Variants in NCOA4 observed in about 807,000 individuals in gnomAD.
NCOA4 encodes 70 kDa AR-activator.
NCOA4 carries 31 observed loss-of-function variants against 69.5 expected under a neutral mutation model. That is an observed-to-expected ratio of 0.45 (90% CI 0.34 to 0.60). NCOA4 has a LOEUF of 0.60. Among genes scored for constraint, NCOA4 ranks in the 20% least tolerant of loss-of-function variants. The pLI is 0.02. For synonymous variants in NCOA4, 228 were observed against 252.4 expected (o/e 0.90, Z 0.92); for missense variants, 600 against 719.2 (o/e 0.83, Z 1.90).
At chr10:46,008,391 G>A (rs534225975) in intron 9 of NCOA4, among the ~76,000 whole-genome samples, 10 of 152,164 alleles carry the variant, frequency 6.6e-5, no homozygotes, top group African/African-American at 1.9e-4. Flanking sequence ...TGGAAGAAAC[G>A]GATTCCCACC....
At chr10:46,028,616 G>T (rs146103589) in intron 1 of NCOA4, among the ~76,000 whole-genome samples, 1 of 150,600 alleles carries the variant, frequency 6.6e-6, no homozygotes, top group Non-Finnish European at 1.5e-5. Context: ...GAAGAGCCAA[G>T]ATTTAATCCC....
chr10:46,028,652 A>G (rs997490875), intron 1 of NCOA4, among the ~76,000 whole-genome samples: 11 of 151,974 alleles, frequency 7.2e-5, no homozygotes, highest in Non-Finnish European at 1.6e-4. Flanking sequence ...GTCCCTAACC[A>G]CACCTGGTAT....
chr10:46,029,695 A>G, intron 1 of NCOA4, among the ~76,000 whole-genome samples: 1 of 152,224 alleles, frequency 6.6e-6, no homozygotes, highest in East Asian at 1.9e-4. Flanking sequence ...AGATAAATTC[A>G]GCACTCTGAC....
intron 4 of NCOA4, 22 bp from the exon 5 acceptor site, chr10:46,014,574 T>C (rs782426740): frequency 1.1e-5 from 17 of 1,540,264 alleles, no homozygotes. Flanking sequence ...AAAACAAAAT[T>C]GGCTATTTTT....
At chr10:46,014,818 GA>G (rs1554922680) in intron 4 of NCOA4, 35 bp downstream of exon 4, 2 of 1,544,170 alleles carry the variant, frequency 1.3e-6, no homozygotes, top group African/African-American at 2.7e-5. Flanking sequence ...CAAAGTTCAA[GA>G]GTCAAAAGTT....
chr10:46,022,444 C>CT (rs1590175628), intron 1 of NCOA4: 24 of 454,400 alleles, frequency 5.3e-5, no homozygotes, highest in Admixed American at 2.6e-4. Context: ...TTTCTTCCGT[C>CT]TTTTTTTTAA....
Position 46,023,497 on chromosome 10 carries a change from G to A in NCOA4, c.-14-6803C>T, listed in dbSNP as rs1485328773. On this transcript the variant is annotated intron_variant, in intron 1 of 9. Coordinates refer to ENST00000581486, the MANE Select transcript of NCOA4 (RefSeq NM_001145263.2). Reference sequence around the variant, plus strand: ...GCGAGCTGGAGCGCTCAAGCCAAGGGCGGGGAGGAGCGGAAAACTCCGCCC... The same window carrying A: ...GCGAGCTGGAGCGCTCAAGCCAAGGACGGGGAGGAGCGGAAAACTCCGCCC... The A allele has an allele frequency of 1.3e-5, 13 of 985,562 alleles. No homozygotes were observed. The African/African-American group carries it at 2.1e-4, about 16-fold the overall frequency. 61.1% of individuals were successfully genotyped at this position (985,562 alleles called of 1,614,324 possible).
intron 1 of NCOA4, chr10:46,022,626 G>A (rs1222120262): frequency 3.1e-6 from 1 of 324,256 alleles, no homozygotes; most frequent in Non-Finnish European, 6.4e-6. Flanking sequence ...CGCCACGCCC[G>A]GCTAATTTTT....
chr10:46,012,103 A>AAAAAAAAAAAAAAAAAAAAC (rs1839266242), intron 7 of NCOA4, among the ~76,000 whole-genome samples: 1 of 128,058 alleles, frequency 7.8e-6, no homozygotes, highest in Non-Finnish European at 1.7e-5. Flanking sequence ...AAAAAAAAAA[A>AAAAAAAAAAAAAAAAAAAAC]CGAAAAAAGA....
At chr10:46,013,062 A>G in intron 6 of NCOA4, 36 bp from the exon 7 acceptor site, 1 of 1,606,570 alleles carries the variant, frequency 6.2e-7, no homozygotes, top group South Asian at 1.1e-5. Context: ...CAAATGCAGT[A>G]GAAAGTTCAC....
chr10:46,014,790 G>A (rs1196367304), intron 4 of NCOA4, 64 bp downstream of exon 4: 7 of 1,333,776 alleles, frequency 5.2e-6, no homozygotes, highest in Admixed American at 3.8e-5. Context: ...TTACAAAATC[G>A]ACTTTCTTTT....
chr10:46,006,828 T>C (rs1554919914), intron 9 of NCOA4, among the ~76,000 whole-genome samples: 1 of 152,204 alleles, frequency 6.6e-6, no homozygotes, highest in African/African-American at 2.4e-5. Context: ...CTCTTCTCTC[T>C]CCTCAGGCCT....
In NCOA4 at chr10:46,007,581, C is replaced by CTTT. The variant is rs71026287; in HGVS notation, c.1840-987_1840-985dup. Among the ~76,000 whole-genome samples, 39 of 85,480 alleles carry CTTT rather than the reference C, an allele frequency of 4.6e-4. 3 individuals carry two copies. Among genetic ancestry groups the CTTT allele is most frequent in the East Asian group, 1.9e-3 (5 of 2,622 alleles). 56.1% of individuals were successfully genotyped at this position (85,480 alleles called of 152,430 possible). A position where few individuals can be genotyped will look rare whatever the true frequency, so the allele number is the denominator to read the frequency against. On this transcript the variant is annotated intron_variant, in intron 9 of 9. Transcript: ENST00000581486. The stretch of plus-strand genomic sequence containing the variant: ...TTAGGGACTAACACAGCCAGTGACT[C>CTTT]TTTTTTTTTTTTTTTTTTTTTTTTT...
chr10:46,018,476 C>T (rs968931840), intron 1 of NCOA4, among the ~76,000 whole-genome samples: 1 of 152,176 alleles, frequency 6.6e-6, no homozygotes, highest in Admixed American at 6.5e-5. Context: ...ACAGGATTAG[C>T]CTGTTCCATG....
chr10:46,020,609 A>G (rs1319647827), intron 1 of NCOA4, among the ~76,000 whole-genome samples: 3 of 152,212 alleles, frequency 2.0e-5, no homozygotes, highest in African/African-American at 7.2e-5. Context: ...ACTTAGGGGT[A>G]AGGAGGTCGT....
chr10:46,006,623 A>T (rs1304226840), intron 9 of NCOA4, 26 bp from the exon 10 acceptor site: 2 of 1,613,658 alleles, frequency 1.2e-6, no homozygotes, highest in Non-Finnish European at 1.7e-6. Flanking sequence ...CACAGATGAT[A>T]AGTTACTTCA....
At chr10:46,016,461 G>A (rs1554923238) in intron 2 of NCOA4, 79 bp downstream of exon 2, 18 of 1,295,880 alleles carry the variant, frequency 1.4e-5, no homozygotes, top group Non-Finnish European at 1.8e-5. Flanking sequence ...CTGGCACGGA[G>A]AGACCAAGTC....
rs1461542824 is a variant in NCOA4 at position 46,023,557 on chromosome 10, G to C, written c.-14-6863C>G. 6.1e-6 allele frequency: 6 copies of C among 977,800 alleles called. No individual in the cohort carries two copies. In the East Asian group the frequency reaches 6.8e-4, roughly 111 times the overall value. The allele number at this position is 977,800 out of a possible 1,614,324, so 60.6% of individuals were successfully genotyped here. ...CTGCTCCCAGCCAGTCCCCGCTGGC[G>C]CTCGCGGCCCCCCTGCAGCTCCCTC... On this transcript the variant is annotated intron_variant, in intron 1 of 9. Coordinates refer to ENST00000581486, the MANE Select transcript of NCOA4 (RefSeq NM_001145263.2).
chr10:46,021,610 C>T (rs1554924372), intron 1 of NCOA4, among the ~76,000 whole-genome samples: 1 of 152,176 alleles, frequency 6.6e-6, no homozygotes, highest in African/African-American at 2.4e-5. Context: ...TTTTCATAGT[C>T]CTCAGTAAAT....
Sources: allele counts gnomAD v4.1 joint callset (sites outside exome capture counted in the v4.1 genomes callset), GRCh38; gene constraint gnomAD v4.1.1; transcripts MANE v1.5; gene names NCBI Gene and HGNC (gene_info 2026-07-23, HGNC 2026-07-21).